THOC6: variants seen among roughly 807,000 people sequenced by gnomAD.
THOC6 encodes THO complex subunit 6.
Under a neutral mutation model 55.8 loss-of-function variants are expected in THOC6, and 39 were observed. The ratio of observed to expected loss-of-function variants is 0.70; its 90% CI spans 0.54 to 0.91. The LOEUF (loss-of-function observed/expected upper bound fraction) is 0.91, where lower values mean the gene tolerates loss of function less well. Ranked by LOEUF, THOC6 falls within the 40% of genes least tolerant of loss-of-function variation. The pLI, the probability that THOC6 is intolerant of heterozygous loss-of-function variation, is 0.00. For synonymous variants in THOC6, 192 were observed against 175.6 expected (o/e 1.09, Z -0.74); for missense variants, 482 against 442.0 (o/e 1.09, Z -0.81).
Position 3,025,793 on chromosome 16 carries a change from G to A in THOC6, c.125G>A (p.Gly42Asp), listed in dbSNP as rs2072770993. 2 of 1,614,206 alleles carry A rather than the reference G, an allele frequency of 1.2e-6. No individual in the cohort carries two copies. The highest frequency in any genetic ancestry group is 1.1e-5 in the South Asian group (1 of 91,080). Residue 42 changes from glycine (G) to aspartate (D), a missense_variant, in exon 2 of 13, where the codon GGC (glycine) becomes GAC (aspartate). By Grantham distance (94) the Gly-to-Asp change is moderately conservative. Transcript: ENST00000326266. ...CCATGTGGGAAGTTTCTGGCGGCTG[G>A]CAACAATTACGGGCAGATTGCCATC... ...VSPCGKFLAAGNNYGQIAIFS... is the reference protein window; with the variant it reads ...VSPCGKFLAADNNYGQIAIFS...
rs1418192614 is a variant in THOC6 at position 3,024,069 on chromosome 16, G to A, written c.-258G>A. On this transcript the variant is annotated 5_prime_UTR_variant, in exon 1 of 13. Coordinates refer to ENST00000326266, the MANE Select transcript of THOC6 (RefSeq NM_024339.5). The stretch of plus-strand genomic sequence containing the variant: ...AGGTTCTGCGCGGGCGCGGAAGACG[G>A]GCGGCGCGTGGCGGAAGGCAGGCTT... 2 of 807,270 alleles carry A rather than the reference G, an allele frequency of 2.5e-6. No homozygotes were observed. The highest frequency in any genetic ancestry group is 3.8e-6 in the Non-Finnish European group (2 of 520,896). The allele number at this position is 807,270 out of a possible 1,614,324, so 50.0% of individuals were successfully genotyped here. A position where few individuals can be genotyped will look rare whatever the true frequency, so the allele number is the denominator to read the frequency against.
In THOC6 at chr16:3,027,726, TACAA is replaced by T; in HGVS notation, c.*70_*73del. On this transcript the variant is annotated 3_prime_UTR_variant, in exon 13 of 13. Coordinates refer to ENST00000326266, the MANE Select transcript of THOC6 (RefSeq NM_024339.5). The stretch of plus-strand genomic sequence containing the variant: ...TTCATTTTCTTTTTTTTTTTTTTTT[TACAA>T]TAAAGTTTCAGGCTTTTTTACCATG... The T allele has an allele frequency of 8.9e-7, 1 of 1,121,410 alleles. No homozygotes were observed. The highest frequency in any genetic ancestry group is 1.3e-6 in the Non-Finnish European group (1 of 796,862). 69.5% of individuals were successfully genotyped at this position (1,121,410 alleles called of 1,614,324 possible).
Position 3,027,297 on chromosome 16 carries a change from C to T in THOC6, c.810+17C>T, listed in dbSNP as rs559901565. On this transcript the variant is annotated intron_variant, in intron 11 of 12. Transcript: ENST00000326266. Reference sequence around the variant, plus strand: ...CAGGACCTGGTGAGGCCCTGTGTCTCACTTCTGCCACCCCCACTGACTCTT... The same window carrying T: ...CAGGACCTGGTGAGGCCCTGTGTCTTACTTCTGCCACCCCCACTGACTCTT... 2 of 1,614,198 alleles carry T rather than the reference C, an allele frequency of 1.2e-6. No individual in the cohort carries two copies. The highest frequency in any genetic ancestry group is 2.7e-5 in the African/African-American group (2 of 75,076).
In THOC6 at chr16:3,025,804, G is replaced by C; in HGVS notation, c.136G>C (p.Gly46Arg). The C allele has an allele frequency of 1.2e-6, 2 of 1,614,154 alleles. No individual in the cohort carries two copies. Among genetic ancestry groups the C allele is most frequent in the Non-Finnish European group, 1.7e-6 (2 of 1,180,026 alleles). The change falls in exon 2 of 13, where the codon GGG becomes CGG. Residue 46 changes from glycine to arginine, a missense_variant. Transcript: ENST00000326266. ...GTTTCTGGCGGCTGGCAACAATTAC[G>C]GGCAGATTGCCATCTTCAGGTACCC... is the stretch of plus-strand genomic sequence containing the variant. ...GKFLAAGNNY[G>R]QIAIFSLSSA... is the part of the protein sequence containing the mutation.
In THOC6 at chr16:3,024,163, G is replaced by A. The variant is rs1356133612; in HGVS notation, c.-164G>A. ...GTGGACACCACTTCTTAATGTCGGG[G>A]GTCTTCGCGGCGCTCACCTCGGCTC... On this transcript the variant is annotated 5_prime_UTR_variant, in exon 1 of 13. Transcript: ENST00000326266. 2 of 812,744 alleles carry A rather than the reference G, an allele frequency of 2.5e-6. No individual in the cohort carries two copies. The highest frequency in any genetic ancestry group is 3.9e-6 in the Non-Finnish European group (2 of 506,678). The allele number at this position is 812,744 out of a possible 1,614,324, so 50.3% of individuals were successfully genotyped here. A position where few individuals can be genotyped will look rare whatever the true frequency, so the allele number is the denominator to read the frequency against.
intron 1 of THOC6, among the ~76,000 whole-genome samples, chr16:3,025,003 C>T (rs1190009199): frequency 7.2e-6 from 1 of 138,608 alleles, no homozygotes; most frequent in Non-Finnish European, 1.5e-5. Flanking sequence ...AGTGCAGTGG[C>T]TCCATCTGGG....
Position 3,027,691 on chromosome 16 carries a change from T to TA in THOC6, c.*35dup. 1 of 1,570,252 alleles carries TA rather than the reference T, an allele frequency of 6.4e-7. No homozygotes were observed. ...GACACCCCCAGCCAGCTCAGGGTTT[T>TA]AGAGTGTTTTTCATTTTCTTTTTTT... On this transcript the variant is annotated 3_prime_UTR_variant, in exon 13 of 13. Transcript: ENST00000326266.
rs763171282 is a variant in THOC6 at position 3,026,974 on chromosome 16, G to A, written c.637-37G>A. ...TCCCCCAACTCCTTGAATTCTCCAGGTCTTCACCTCTTTCCCTCCTCCCCT... is the reference window on the plus strand; with the variant it reads ...TCCCCCAACTCCTTGAATTCTCCAGATCTTCACCTCTTTCCCTCCTCCCCT... On this transcript the variant is annotated intron_variant, in intron 9 of 12. Coordinates refer to ENST00000326266, the MANE Select transcript of THOC6 (RefSeq NM_024339.5). 16 of 1,613,974 alleles carry A rather than the reference G, an allele frequency of 9.9e-6. No individual in the cohort carries two copies. The Middle Eastern group carries it at 6.6e-4, about 66-fold the overall frequency.
rs778244946 is a variant in THOC6 at position 3,026,725 on chromosome 16, G to A, written c.530G>A (p.Arg177Gln). The change falls in exon 8 of 13, where the codon CGG (arginine) becomes CAG (glutamine). Residue 177 changes from arginine to glutamine, a missense_variant. Coordinates refer to ENST00000326266, the MANE Select transcript of THOC6 (RefSeq NM_024339.5). Reference protein sequence around the residue: ...HTDYIHCLALRERSPEVLSGG... With the variant: ...HTDYIHCLALQERSPEVLSGG... ...GACTACATCCACTGCCTGGCACTGC[G>A]GGAAAGGAGCCCAGAGGTGCTGTCA... 5.6e-6 allele frequency: 9 copies of A among 1,613,882 alleles called. No individual in the cohort carries two copies. The Middle Eastern group carries it at 4.9e-4, about 89-fold the overall frequency.
intron 1 of THOC6, among the ~76,000 whole-genome samples, chr16:3,025,063 C>T (rs2072751186): frequency 6.6e-6 from 1 of 151,646 alleles, no homozygotes; most frequent in South Asian, 2.1e-4. Context: ...CTGCCTCAGC[C>T]TCCTGAGTAG....
At chr16:3,024,471 T>G in intron 1 of THOC6, 106 bp downstream of exon 1, 1 of 1,412,078 alleles carries the variant, frequency 7.1e-7, no homozygotes. Context: ...GCCTGGGCTA[T>G]TTGTGGGACT....
rs2072740441 is a variant in THOC6, at chr16:3,024,768, G to C, written c.39+403G>C. Among the ~76,000 whole-genome samples the C allele has an allele frequency of 2.0e-5, 3 of 150,698 alleles. No individual in the cohort carries two copies. In the South Asian group the frequency reaches 6.3e-4, roughly 32 times the overall value. On this transcript the variant is annotated intron_variant, in intron 1 of 12. Coordinates refer to ENST00000326266, the MANE Select transcript of THOC6 (RefSeq NM_024339.5). ...TCCTGCCTCAGCCCTCCAAGTAGCT[G>C]GGACTATAGGCGTGTGCCACCATGC...
chr16:3,024,399 G>A (rs2072727462), intron 1 of THOC6, 34 bp downstream of exon 1: 1 of 1,613,906 alleles, frequency 6.2e-7, no homozygotes, highest in African/African-American at 1.3e-5. Flanking sequence ...GCCTTCTGGG[G>A]TTTGTAGTTC....
intron 1 of THOC6, among the ~76,000 whole-genome samples, chr16:3,025,254 A>T (rs1253897780): frequency 6.6e-6 from 1 of 151,714 alleles, no homozygotes; most frequent in East Asian, 1.9e-4. Context: ...ACATTTTTAA[A>T]TTTTTTTTGA....
intron 1 of THOC6, among the ~76,000 whole-genome samples, chr16:3,024,598 CTTTT>C (rs756283336): frequency 1.6e-5 from 2 of 124,050 alleles, no homozygotes; most frequent in Non-Finnish European, 3.5e-5. Context: ...AGTAGAGGTA[CTTTT>C]TTTTTTTTTT....
rs754379725 is a variant in THOC6, at chr16:3,025,709, CAG to C, written c.44_45del (p.Glu15GlyfsTer51). On this transcript the variant is annotated frameshift_variant and splice_region_variant, in exon 2 of 13. Transcript: ENST00000326266. LOFTEE classifies it high-confidence loss of function. ...GCCTCATCCAGTCTTTCCCTGCAGA[CAG>C]AGGTGTTCCAGGCCTTGCAGCGGCT... 3 of 1,613,542 alleles carry C rather than the reference CAG, an allele frequency of 1.9e-6. No homozygotes were observed. In the East Asian group the frequency reaches 6.7e-5, roughly 36 times the overall value.
chr16:3,024,182 T>G lies in THOC6; in HGVS notation c.-145T>G. 9.9e-7 allele frequency: 1 copy of G among 1,011,346 alleles called. No individual in the cohort carries two copies. Among genetic ancestry groups the G allele is most frequent in the South Asian group, 1.4e-5 (1 of 71,044 alleles). 62.6% of individuals were successfully genotyped at this position (1,011,346 alleles called of 1,614,324 possible). ...GTCGGGGGTCTTCGCGGCGCTCACC[T>G]CGGCTCCTAGGGTTCGGGACGGTAC... On this transcript the variant is annotated 5_prime_UTR_variant, in exon 1 of 13. Transcript: ENST00000326266.
chr16:3,026,067 T>C lies in THOC6; in HGVS notation c.225T>C (p.His75=), dbSNP rs1477158614. Residue 75 remains histidine, a synonymous_variant, in exon 4 of 13, where the codon CAT becomes CAC. Transcript: ENST00000326266. Reference sequence around the variant, plus strand: ...CAGTTCTGCATTTCTCTTTAGCCCATGATGGGCCCGTCTATAGCATGGTTT... The same window carrying C: ...CAGTTCTGCATTTCTCTTTAGCCCACGATGGGCCCGTCTATAGCATGGTTT... ...SKKPVVTFQA[H]DGPVYSMVST... 3 of 1,612,628 alleles carry C rather than the reference T, an allele frequency of 1.9e-6. No individual in the cohort carries two copies. The highest frequency in any genetic ancestry group is 2.5e-6 in the Non-Finnish European group (3 of 1,178,830).
Position 3,024,323 on chromosome 16 carries a change from G to C in THOC6, c.-4G>C. 3 of 1,614,172 alleles carry C rather than the reference G, an allele frequency of 1.9e-6. No individual in the cohort carries two copies. The highest frequency in any genetic ancestry group is 2.5e-6 in the Non-Finnish European group (3 of 1,180,014). On this transcript the variant is annotated 5_prime_UTR_variant, in exon 1 of 13. Coordinates refer to ENST00000326266, the MANE Select transcript of THOC6 (RefSeq NM_024339.5). The stretch of plus-strand genomic sequence containing the variant: ...GGAGCACTCTGGGACTTGTAGTTCT[G>C]GAGATGGAGCGAGCTGTGCCGCTCG...
Sources: allele counts gnomAD v4.1 joint callset (sites outside exome capture counted in the v4.1 genomes callset), GRCh38; gene constraint gnomAD v4.1.1; transcripts MANE v1.5; gene names NCBI Gene and HGNC (gene_info 2026-07-23, HGNC 2026-07-21).